The following GPR39 variants were observed in gnomAD, a reference collection of about 807,000 sequenced individuals.
The protein encoded by GPR39 is G protein-coupled receptor 39, also known as zinc sensing receptor.
GPR39 carries 23 observed loss-of-function variants against 18.4 expected under a neutral mutation model. That is an observed-to-expected ratio of 1.25 (90% CI 0.90 to 1.77). GPR39 has a LOEUF of 1.77. GPR39 is among the 40% of genes most tolerant of loss of function. The pLI, the probability that GPR39 is intolerant of heterozygous loss-of-function variation, is 0.00. For synonymous variants in GPR39, 280 were observed against 257.9 expected (o/e 1.09, Z -0.82); for missense variants, 647 against 602.4 (o/e 1.07, Z -0.78).
At chr2:132,540,927 C>T (rs1679850425) in intron 1 of GPR39, among the ~76,000 whole-genome samples, 1 of 151,982 alleles carries the variant, frequency 6.6e-6, no homozygotes. Flanking sequence ...ATGCTCCATA[C>T]AGGTGGCCAA....
chr2:132,618,033 G>A (rs1385554498), intron 1 of GPR39, among the ~76,000 whole-genome samples: 1 of 152,152 alleles, frequency 6.6e-6, no homozygotes, highest in Non-Finnish European at 1.5e-5. Context: ...TTGGTCTGGA[G>A]CATTGATTCC....
rs1272655011 is a variant in GPR39 at position 132,417,762 on chromosome 2, C to T, written c.720C>T (p.Phe240=). 6.2e-7 allele frequency: 1 copy of T among 1,614,196 alleles called. No homozygotes were observed. Among genetic ancestry groups the T allele is most frequent in the East Asian group, 2.2e-5 (1 of 44,868 alleles). ...TCGTGGTCCTGCTCTCCGTAGCCTT[C>T]ATGTGCTGGAACATGATGCAGGTGC... The part of the protein sequence containing the change: ...VYLVVLLSVA[F]MCWNMMQVLM... The change falls in exon 1 of 2, where the codon TTC becomes TTT. Residue 240 remains phenylalanine, a synonymous_variant. Transcript: ENST00000329321.
intron 1 of GPR39, among the ~76,000 whole-genome samples, chr2:132,484,396 C>A (rs181480802): frequency 2.0e-5 from 3 of 152,088 alleles, no homozygotes; most frequent in African/African-American, 4.8e-5. Flanking sequence ...AATGGGTTAG[C>A]AAAAAATAAA....
intron 1 of GPR39, among the ~76,000 whole-genome samples, chr2:132,492,421 CATATATACACCAT>C (rs1200396921): frequency 6.7e-5 from 9 of 133,644 alleles, no homozygotes; most frequent in African/African-American, 2.0e-4. Context: ...ATATATATAC[CATATATACACCAT>C]ATATATACAC....
chr2:132,645,406 G>C lies in GPR39; in HGVS notation c.1162G>C (p.Val388Leu), dbSNP rs1442559168. The C allele has an allele frequency of 6.2e-7, 1 of 1,613,610 alleles. No individual in the cohort carries two copies. Among genetic ancestry groups the C allele is most frequent in the Non-Finnish European group, 8.5e-7 (1 of 1,180,006 alleles). The change falls in exon 2 of 2, where the codon GTG becomes CTG. Residue 388 changes from valine to leucine, a missense_variant. Val to Leu is a conservative substitution (Grantham distance 32). Around this residue, in one of 3 missense-constraint regions of GPR39, gnomAD observed 581 missense variants for 506.8 expected, o/e 1.15. Transcript: ENST00000329321. The part of the protein sequence containing the change: ...AHSTTDSARF[V>L]QRPLLFASRR... Reference sequence around the variant, plus strand: ...CTCCACCACCGACAGCGCCCGCTTTGTGCAGCGCCCGTTGCTCTTCGCGTC... The same window carrying C: ...CTCCACCACCGACAGCGCCCGCTTTCTGCAGCGCCCGTTGCTCTTCGCGTC...
chr2:132,561,952 A>G (rs2104804701), intron 1 of GPR39, among the ~76,000 whole-genome samples: 1 of 152,110 alleles, frequency 6.6e-6, no homozygotes, highest in South Asian at 2.1e-4. Context: ...CAGCTTTACT[A>G]GGCCTACCTA....
Position 132,645,261 on chromosome 2 carries a change from C to T in GPR39, c.1017C>T (p.Ile339=). Residue 339 remains isoleucine, a synonymous_variant, in exon 2 of 2, where the codon ATC becomes ATT. Transcript: ENST00000329321. ...SETFFYLSSV[I]NPLLYTVSSQ... Reference sequence around the variant, plus strand: ...CGTTTTTCTACCTCAGCTCGGTCATCAACCCGCTCCTGTACACGGTGTCCT... The same window carrying T: ...CGTTTTTCTACCTCAGCTCGGTCATTAACCCGCTCCTGTACACGGTGTCCT... 6.2e-7 allele frequency: 1 copy of T among 1,614,230 alleles called. No homozygotes were observed.
At chr2:132,622,837 A>G (rs1010466483) in intron 1 of GPR39, among the ~76,000 whole-genome samples, 4 of 152,226 alleles carry the variant, frequency 2.6e-5, no homozygotes, top group Non-Finnish European at 5.9e-5. Flanking sequence ...CCTGTTGGCC[A>G]GGTGCGGTGG....
At chr2:132,430,651 T>C (rs1680209305) in intron 1 of GPR39, among the ~76,000 whole-genome samples, 1 of 152,092 alleles carries the variant, frequency 6.6e-6, no homozygotes, top group South Asian at 2.1e-4. Context: ...GATGAGAACC[T>C]TGTTGGACTG....
chr2:132,535,600 C>T (rs1471268958), intron 1 of GPR39, among the ~76,000 whole-genome samples: 2 of 152,010 alleles, frequency 1.3e-5, no homozygotes, highest in South Asian at 2.1e-4. Context: ...AGGAGTCCCT[C>T]CTTTTCAGTT....
At chr2:132,600,584 A>G (rs754066598) in intron 1 of GPR39, among the ~76,000 whole-genome samples, 5 of 152,200 alleles carry the variant, frequency 3.3e-5, no homozygotes, top group Non-Finnish European at 5.9e-5. Context: ...GAACAACTAC[A>G]TGCCAACAAA....
intron 1 of GPR39, among the ~76,000 whole-genome samples, chr2:132,606,709 G>T (rs1257948100): frequency 6.6e-6 from 1 of 152,206 alleles, no homozygotes; most frequent in African/African-American, 2.4e-5. Context: ...GAAAAAATTA[G>T]ATCACACGAG....
intron 1 of GPR39, among the ~76,000 whole-genome samples, chr2:132,518,965 A>G (rs1415075215): frequency 6.6e-6 from 1 of 152,228 alleles, no homozygotes; most frequent in Non-Finnish European, 1.5e-5. Flanking sequence ...GGATGGGTCT[A>G]GATTGAATTT....
chr2:132,416,985 GGGA>G lies in GPR39; in HGVS notation c.-53_-51del. The G allele has an allele frequency of 6.3e-7, 1 of 1,579,476 alleles. No homozygotes were observed. The highest frequency in any genetic ancestry group is 1.2e-5 in the South Asian group (1 of 84,604). ...GCAGCCAAGAATTTTGGACGCTGCT[GGGA>G]GGAGAAAGGGAAGTTGAGAAAGTCT... On this transcript the variant is annotated 5_prime_UTR_variant, in exon 1 of 2. Transcript: ENST00000329321.
At chr2:132,579,538 C>T (rs1680589029) in intron 1 of GPR39, among the ~76,000 whole-genome samples, 1 of 152,042 alleles carries the variant, frequency 6.6e-6, no homozygotes, top group African/African-American at 2.4e-5. Flanking sequence ...CTACTAATTG[C>T]TGAGAAAGGG....
chr2:132,526,113 T>G (rs183941338), intron 1 of GPR39, among the ~76,000 whole-genome samples: 3 of 152,312 alleles, frequency 2.0e-5, no homozygotes, highest in Admixed American at 1.3e-4. Flanking sequence ...ATGAGGCTAT[T>G]TATGGTATTC....
At chr2:132,601,056 A>G (rs1681034814) in intron 1 of GPR39, among the ~76,000 whole-genome samples, 1 of 152,324 alleles carries the variant, frequency 6.6e-6, no homozygotes, top group Non-Finnish European at 1.5e-5. Flanking sequence ...AATCAGAACT[A>G]ACACCAATTC....
chr2:132,458,550 TG>T (rs1680777452), intron 1 of GPR39, among the ~76,000 whole-genome samples: 1 of 151,940 alleles, frequency 6.6e-6, no homozygotes, highest in African/African-American at 2.4e-5. Flanking sequence ...TCACATTTTT[TG>T]TATCTGCTCC....
chr2:132,580,739 G>A (rs928475657), intron 1 of GPR39, among the ~76,000 whole-genome samples: 1 of 152,096 alleles, frequency 6.6e-6, no homozygotes, highest in Non-Finnish European at 1.5e-5. Flanking sequence ...CAAGGTGGGT[G>A]GATCACAAAG....
Sources: gnomAD v4.1 joint callset for allele counts (sites outside exome capture counted in the v4.1 genomes callset) on GRCh38, gnomAD v4.1.1 for gene constraint, gnomAD v4.1.1 regional missense constraint, MANE v1.5 for transcripts, NCBI Gene and HGNC (gene_info 2026-07-23, HGNC 2026-07-21) for gene names.